ENOX1: variants seen among roughly 807,000 people sequenced by gnomAD.
ENOX1 encodes the protein ecto-NOX disulfide-thiol exchanger 1.
In ENOX1, 42 loss-of-function variants were observed where a neutral mutation model predicts 82.5. That is an observed-to-expected ratio of 0.51 (90% CI 0.40 to 0.66). The LOEUF is 0.66. Among genes scored for constraint, ENOX1 ranks in the 30% least tolerant of loss-of-function variants. ENOX1 has a pLI of 0.00. For synonymous variants in ENOX1, 271 were observed against 282.2 expected (o/e 0.96, Z 0.40); for missense variants, 608 against 811.6 (o/e 0.75, Z 3.05).
At chr13:43,398,114 C>A (rs2053263259) in intron 5 of ENOX1, among the ~76,000 whole-genome samples, 2 of 152,204 alleles carry the variant, frequency 1.3e-5, no homozygotes, top group Non-Finnish European at 2.9e-5. Flanking sequence ...AATATCATCA[C>A]CTTGGGGGTT....
intron 1 of ENOX1, among the ~76,000 whole-genome samples, chr13:43,716,989 G>T (rs2088188379): frequency 6.6e-6 from 1 of 152,140 alleles, no homozygotes; most frequent in South Asian, 2.1e-4. Context: ...CAGATTCAGT[G>T]CTATCCCTAT....
At chr13:43,693,821 G>T (rs1017510085) in intron 1 of ENOX1, among the ~76,000 whole-genome samples, 21 of 152,056 alleles carry the variant, frequency 1.4e-4, no homozygotes, top group Non-Finnish European at 3.1e-4. Context: ...AACATAGGCA[G>T]AAAAATCCAA....
chr13:43,549,427 G>A (rs1239820091), intron 2 of ENOX1, among the ~76,000 whole-genome samples: 2 of 152,158 alleles, frequency 1.3e-5, no homozygotes, highest in Non-Finnish European at 2.9e-5. Context: ...TAACTCATTA[G>A]GAAGCACAAG....
At chr13:43,343,730 C>G (rs901034118) in intron 9 of ENOX1, among the ~76,000 whole-genome samples, 1 of 152,104 alleles carries the variant, frequency 6.6e-6, no homozygotes, top group Non-Finnish European at 1.5e-5. Flanking sequence ...GGGCCCTGCA[C>G]CTGGTATGGA....
intron 12 of ENOX1, among the ~76,000 whole-genome samples, chr13:43,290,617 G>A (rs1159570957): frequency 1.3e-5 from 2 of 152,162 alleles, no homozygotes; most frequent in Non-Finnish European, 2.9e-5. Flanking sequence ...AGAGGGAGAA[G>A]GGCACGGCTG....
intron 15 of ENOX1, among the ~76,000 whole-genome samples, chr13:43,227,624 T>G (rs186909017): frequency 1.8e-3 from 269 of 152,234 alleles, no homozygotes; most frequent in Admixed American, 3.1e-3. Flanking sequence ...CAAGGAAAAT[T>G]TTCATTGAAA....
chr13:43,410,949 AC>A (rs1201175161), intron 5 of ENOX1, among the ~76,000 whole-genome samples: 2 of 152,212 alleles, frequency 1.3e-5, no homozygotes, highest in Non-Finnish European at 2.9e-5. Flanking sequence ...TGTCTTGTTT[AC>A]TGCGGGAGCC....
At chr13:43,681,998 C>T (rs982920914) in intron 1 of ENOX1, among the ~76,000 whole-genome samples, 11 of 152,052 alleles carry the variant, frequency 7.2e-5, no homozygotes, top group African/African-American at 2.2e-4. Context: ...GCCTCCTAAA[C>T]GTTCACTGCT....
intron 1 of ENOX1, among the ~76,000 whole-genome samples, chr13:43,667,858 C>T (rs2085064382): frequency 6.6e-6 from 1 of 152,166 alleles, no homozygotes; most frequent in South Asian, 2.1e-4. Context: ...AGTGCTAGGG[C>T]CAGGGCCTCC....
chr13:43,326,425 A>G lies in ENOX1; in HGVS notation c.1137T>C (p.His379=), dbSNP rs758638615. Residue 379 remains histidine, a synonymous_variant, in exon 10 of 17, where the codon CAT becomes CAC. Transcript: ENST00000690772. ...TAATAATAAAATCACCAACCTCAGA[A>G]TGCTTTCGCCAAATGTCTATGTTCT... ...QRKNIDIWRK[H]SEELRNAQSE... 3.1e-6 allele frequency: 5 copies of G among 1,613,944 alleles called. No individual in the cohort carries two copies. The Admixed American group carries it at 5.0e-5, about 16-fold the overall frequency.
chr13:43,604,334 T>G (rs1225950679), intron 2 of ENOX1, among the ~76,000 whole-genome samples: 1 of 152,180 alleles, frequency 6.6e-6, no homozygotes, highest in Non-Finnish European at 1.5e-5. Context: ...TTTTGTGGGT[T>G]GCCTGTTCAC....
intron 5 of ENOX1, among the ~76,000 whole-genome samples, chr13:43,388,314 G>GA (rs2052557331): frequency 6.6e-6 from 1 of 152,100 alleles, no homozygotes. Context: ...AGAACAATAT[G>GA]AAAAAAGTAA....
chr13:43,326,146 A>G (rs2153530128), intron 10 of ENOX1, among the ~76,000 whole-genome samples: 1 of 152,308 alleles, frequency 6.6e-6, no homozygotes, highest in Non-Finnish European at 1.5e-5. Context: ...TGCTAGGGAA[A>G]GTGTCTTGGT....
In ENOX1 at chr13:43,715,102, C is replaced by T. The variant is rs1263836453; in HGVS notation, c.-284-47558G>A. ...CCTTCAGGAGCTCTTTTAGGGCAGG[C>T]CTGGTGGTGACAAAATCTCTCAGCA... On this transcript the variant is annotated intron_variant, in intron 1 of 16. Coordinates refer to ENST00000690772, the MANE Select transcript of ENOX1 (RefSeq NM_001347969.2). Among the ~76,000 whole-genome samples the T allele has an allele frequency of 2.0e-5, 3 of 152,054 alleles. No individual in the cohort carries two copies. The East Asian group carries it at 5.8e-4, about 29-fold the overall frequency.
chr13:43,236,169 G>C (rs1202240793), intron 15 of ENOX1, among the ~76,000 whole-genome samples: 3 of 152,192 alleles, frequency 2.0e-5, no homozygotes, highest in Non-Finnish European at 4.4e-5. Context: ...CCTAGCATCA[G>C]TACCCTGCAT....
intron 12 of ENOX1, among the ~76,000 whole-genome samples, chr13:43,281,710 G>T (rs892892915): frequency 6.6e-6 from 1 of 152,150 alleles, no homozygotes; most frequent in Non-Finnish European, 1.5e-5. Flanking sequence ...GCACAAAAAA[G>T]ATGATCATTT....
intron 9 of ENOX1, among the ~76,000 whole-genome samples, chr13:43,335,014 G>A (rs2048621009): frequency 1.3e-5 from 2 of 152,166 alleles, no homozygotes; most frequent in South Asian, 4.1e-4. Context: ...TGAAGAAAGT[G>A]TCCATCTGTT....
At chr13:43,555,125 T>A (rs1245345348) in intron 2 of ENOX1, among the ~76,000 whole-genome samples, 2 of 152,256 alleles carry the variant, frequency 1.3e-5, no homozygotes, top group East Asian at 3.9e-4. Flanking sequence ...TAAAAAAAAT[T>A]GGGAACAACT....
chr13:43,564,014 A>T (rs1380670843), intron 2 of ENOX1, among the ~76,000 whole-genome samples: 2 of 152,078 alleles, frequency 1.3e-5, no homozygotes, highest in Non-Finnish European at 2.9e-5. Context: ...CTCATTCTAC[A>T]ATGCCAGTAT....
Sources: allele counts gnomAD v4.1 joint callset (sites outside exome capture counted in the v4.1 genomes callset), GRCh38; gene constraint gnomAD v4.1.1; transcripts MANE v1.5; gene names NCBI Gene and HGNC (gene_info 2026-07-23, HGNC 2026-07-21).